The following AP3B1 variants were observed in gnomAD, a reference collection of about 807,000 sequenced individuals.
The protein encoded by AP3B1 is AP-3 complex subunit beta-1.
AP3B1 carries 61 observed loss-of-function variants against 132.5 expected under a neutral mutation model. The ratio of observed to expected loss-of-function variants is 0.46; its 90% CI spans 0.37 to 0.57. The LOEUF (loss-of-function observed/expected upper bound fraction) is 0.57. Among genes scored for constraint, AP3B1 ranks in the 20% least tolerant of loss-of-function variants. The pLI, the probability that AP3B1 is intolerant of heterozygous loss-of-function variation, is 0.00. For synonymous variants in AP3B1, 388 were observed against 438.3 expected, an observed-to-expected ratio of 0.89 and a Z score of 1.43; for missense variants, 1,120 against 1,289.4, an observed-to-expected ratio of 0.87 and a Z score of 2.01.
chr5:78,251,632 G>C (rs1372063648), intron 2 of AP3B1, among the ~76,000 whole-genome samples: 2 of 152,184 alleles, frequency 1.3e-5, no homozygotes, highest in Non-Finnish European at 2.9e-5. Flanking sequence ...CACCCACAGG[G>C]GGAGCATTTA....
At chr5:78,019,112 A>G (rs1049746881) in intron 25 of AP3B1, among the ~76,000 whole-genome samples, 6 of 152,166 alleles carry the variant, frequency 3.9e-5, no homozygotes, top group African/African-American at 1.4e-4. Flanking sequence ...TCTATTAAAC[A>G]TAGCAAACAG....
chr5:78,212,390 C>T (rs1745777008), intron 7 of AP3B1, among the ~76,000 whole-genome samples: 1 of 152,130 alleles, frequency 6.6e-6, no homozygotes, highest in African/African-American at 2.4e-5. Context: ...TGAGAGAAAA[C>T]TGCTGGATTT....
chr5:78,053,685 A>AC (rs1748683051), intron 22 of AP3B1, among the ~76,000 whole-genome samples: 1 of 144,400 alleles, frequency 6.9e-6, no homozygotes, highest in Non-Finnish European at 1.5e-5. Flanking sequence ...TCTCAAAAAA[A>AC]AAAAAAAAAA....
intron 11 of AP3B1, among the ~76,000 whole-genome samples, chr5:78,166,028 G>C (rs1403332556): frequency 6.6e-6 from 1 of 151,092 alleles, no homozygotes; most frequent in African/African-American, 2.4e-5. Context: ...CAGTGAGCAG[G>C]AGAATTGCTG....
chr5:78,189,465 T>C (rs1333335201), intron 7 of AP3B1, among the ~76,000 whole-genome samples: 4 of 152,224 alleles, frequency 2.6e-5, no homozygotes, highest in East Asian at 1.9e-4. Context: ...TTAATGACTA[T>C]AATTAAAGGT....
At chr5:78,186,003 A>G (rs1350425844) in intron 7 of AP3B1, among the ~76,000 whole-genome samples, 1 of 152,164 alleles carries the variant, frequency 6.6e-6, no homozygotes, top group Non-Finnish European at 1.5e-5. Flanking sequence ...ACTAGAGAGA[A>G]CAAACAAAAA....
At chr5:78,016,583 T>C (rs1746863717) in intron 25 of AP3B1, among the ~76,000 whole-genome samples, 1 of 152,216 alleles carries the variant, frequency 6.6e-6, no homozygotes, top group Admixed American at 6.5e-5. Context: ...CAAAAGACTC[T>C]GCACCGTCTG....
At chr5:78,097,634 C>T (rs1205995435) in intron 21 of AP3B1, among the ~76,000 whole-genome samples, 2 of 140,002 alleles carry the variant, frequency 1.4e-5, no homozygotes, top group African/African-American at 2.6e-5. Flanking sequence ...CCCGGCCAGC[C>T]GCCCCGTCCG....
At chr5:78,140,808 C>T (rs1282487665) in intron 15 of AP3B1, among the ~76,000 whole-genome samples, 1 of 152,228 alleles carries the variant, frequency 6.6e-6, no homozygotes. Flanking sequence ...CAGTAAACCA[C>T]TCTTACAAGC....
chr5:78,108,149 G>GA (rs36034430), intron 20 of AP3B1, among the ~76,000 whole-genome samples: 42 of 151,704 alleles, frequency 2.8e-4, no homozygotes, highest in Non-Finnish European at 5.2e-4. Flanking sequence ...TTGTCTGGAT[G>GA]AAAAAAAAGA....
chr5:78,249,562 A>G (rs933287013), intron 2 of AP3B1, among the ~76,000 whole-genome samples: 2 of 149,460 alleles, frequency 1.3e-5, no homozygotes, highest in Admixed American at 6.7e-5. Context: ...ATTCTTCAGA[A>G]TGATTTTTTT....
At position 78,110,368 on chromosome 5, in the gene AP3B1, T is replaced by C; in HGVS notation, c.2250-14A>G. The C allele has an allele frequency of 1.9e-6, 3 of 1,593,360 alleles. No individual in the cohort carries two copies. The highest frequency in any genetic ancestry group is 2.6e-6 in the Non-Finnish European group (3 of 1,165,626). On this transcript the variant is annotated splice_polypyrimidine_tract_variant and intron_variant, in intron 19 of 26. Transcript: ENST00000255194. ...TCTTCAGAATCACTACACATAATAG[T>C]AAATTTTGAAATATGAACTTTAACT...
intron 1 of AP3B1, among the ~76,000 whole-genome samples, chr5:78,281,294 C>T (rs1749041181): frequency 6.6e-6 from 1 of 151,890 alleles, no homozygotes; most frequent in Non-Finnish European, 1.5e-5. Flanking sequence ...ATTAGCCGGG[C>T]ATGGTGGTGC....
intron 1 of AP3B1, among the ~76,000 whole-genome samples, chr5:78,270,051 T>G (rs531688163): frequency 1.3e-5 from 2 of 152,200 alleles, no homozygotes; most frequent in South Asian, 2.1e-4. Flanking sequence ...TAGCTGGGAT[T>G]ACAGGAGTGC....
At chr5:78,172,760 G>T (rs1423514022) in intron 11 of AP3B1, among the ~76,000 whole-genome samples, 2 of 151,206 alleles carry the variant, frequency 1.3e-5, no homozygotes. Flanking sequence ...CGTTATTATT[G>T]AAGGGTATTT....
chr5:78,056,926 T>C (rs1423693545), intron 22 of AP3B1, among the ~76,000 whole-genome samples: 1 of 152,232 alleles, frequency 6.6e-6, no homozygotes, highest in Non-Finnish European at 1.5e-5. Flanking sequence ...CAACATATTA[T>C]TGGCTATGGC....
intron 24 of AP3B1, among the ~76,000 whole-genome samples, chr5:78,028,447 C>CAAA (rs529821027): frequency 7.5e-6 from 1 of 132,722 alleles, no homozygotes; most frequent in Non-Finnish European, 1.6e-5. Flanking sequence ...GACTCCATCT[C>CAAA]AAAAAAAAAA....
At chr5:78,244,646 A>G (rs1747294959) in intron 2 of AP3B1, among the ~76,000 whole-genome samples, 1 of 152,196 alleles carries the variant, frequency 6.6e-6, no homozygotes, top group Admixed American at 6.5e-5. Context: ...AGATCACTAC[A>G]GGAGGGCATA....
intron 7 of AP3B1, among the ~76,000 whole-genome samples, chr5:78,199,483 C>T (rs1209231482): frequency 2.6e-5 from 4 of 152,008 alleles, no homozygotes; most frequent in African/African-American, 9.7e-5. Flanking sequence ...TTCATTTGAT[C>T]ATAAATTATG....
Sources: gnomAD v4.1 joint callset for allele counts (sites outside exome capture counted in the v4.1 genomes callset) on GRCh38, gnomAD v4.1.1 for gene constraint, MANE v1.5 for transcripts, NCBI Gene and HGNC (gene_info 2026-07-23, HGNC 2026-07-21) for gene names.